The following COQ4 variants were observed in gnomAD, a reference collection of about 807,000 sequenced individuals.
The protein encoded by COQ4 is coenzyme Q4.
Under a neutral mutation model 30.2 loss-of-function variants are expected in COQ4, and 36 were observed. The ratio of observed to expected loss-of-function variants is 1.19; its 90% CI spans 0.91 to 1.57. The LOEUF (loss-of-function observed/expected upper bound fraction) is 1.57. COQ4 is among the 40% of genes most tolerant of loss of function. The probability of loss-of-function intolerance (pLI) is 0.00; values close to 1 mark genes in which losing one functional copy is unlikely to be tolerated. For synonymous variants in COQ4, 197 were observed against 161.0 expected (o/e 1.22, Z -1.69); for missense variants, 369 against 371.9 (o/e 0.99, Z 0.07).
chr9:128,326,891 G>A (rs1300986360), intron 4 of COQ4, among the ~76,000 whole-genome samples: 1 of 152,110 alleles, frequency 6.6e-6, no homozygotes, highest in African/African-American at 2.4e-5. Context: ...TGGGACTACA[G>A]GTGCACACCA....
At chr9:128,329,243 G>A (rs1211994313) in intron 4 of COQ4, among the ~76,000 whole-genome samples, 1 of 152,080 alleles carries the variant, frequency 6.6e-6, no homozygotes, top group Non-Finnish European at 1.5e-5. Context: ...GGCACTTATC[G>A]GCCTTGGTAA....
chr9:128,331,457 G>A (rs1752524671), intron 4 of COQ4: 2 of 152,416 alleles, frequency 1.3e-5, no homozygotes, highest in South Asian at 4.1e-4. Context: ...ACTTAACCCA[G>A]GTCATGAAGG....
intron 4 of COQ4, 85 bp from the exon 5 acceptor site, chr9:128,332,068 A>G: frequency 6.9e-7 from 1 of 1,454,656 alleles, no homozygotes; most frequent in Non-Finnish European, 9.3e-7. Context: ...GTTAGGTGAG[A>G]GTTGTGACGG....
chr9:128,323,764 G>A (rs1417154003), intron 2 of COQ4, among the ~76,000 whole-genome samples: 2 of 152,174 alleles, frequency 1.3e-5, no homozygotes, highest in East Asian at 1.9e-4. Context: ...ACCAGCCTGG[G>A]CAACACGGTG....
intron 3 of COQ4, 143 bp from the exon 4 acceptor site, chr9:128,325,636 C>A: frequency 3.0e-6 from 2 of 655,972 alleles, no homozygotes; most frequent in Non-Finnish European, 2.7e-6. Context: ...CTGACACTAG[C>A]CTGGCCAGTT....
In COQ4 at chr9:128,333,854, AGC is replaced by A; in HGVS notation, c.*210_*211del. On this transcript the variant is annotated 3_prime_UTR_variant, in exon 7 of 7. Transcript: ENST00000300452. ...CAGTGGCATTCCCAGGGGGACCAGCAGCTACCCAAGGAGAACCATGCATGAAC... is the reference window on the plus strand; with the variant it reads ...CAGTGGCATTCCCAGGGGGACCAGCATACCCAAGGAGAACCATGCATGAAC... 2.3e-6 allele frequency: 1 copy of A among 431,268 alleles called. No homozygotes were observed. The highest frequency in any genetic ancestry group is 5.4e-5 in the South Asian group (1 of 18,664). The allele number at this position is 431,268 out of a possible 1,614,324, so 26.7% of individuals were successfully genotyped here. A position where few individuals can be genotyped will look rare whatever the true frequency, so the allele number is the denominator to read the frequency against.
intron 3 of COQ4, among the ~76,000 whole-genome samples, 190 bp downstream of exon 3, chr9:128,325,429 G>A (rs1832301258): frequency 1.3e-5 from 2 of 152,204 alleles, no homozygotes; most frequent in Non-Finnish European, 2.9e-5. Flanking sequence ...GATGACTTCC[G>A]AGTTGTGCAG....
Position 128,323,135 on chromosome 9 carries a change from C to T in COQ4, c.190C>T (p.Pro64Ser), listed in dbSNP as rs766317663. 20 of 1,603,082 alleles carry T rather than the reference C, an allele frequency of 1.2e-5. No homozygotes were observed. The highest frequency in any genetic ancestry group is 1.7e-5 in the Non-Finnish European group (20 of 1,176,764). Residue 64 changes from proline (P) to serine (S), a missense_variant, in exon 2 of 7, where the codon CCC (proline) becomes TCC (serine). Transcript: ENST00000300452. Reference sequence around the variant, plus strand: ...CTCCGCGGCGATGGCGCTCTATAACCCCTACCGCCACGGTAAGGCCGCCCG... The same window carrying T: ...CTCCGCGGCGATGGCGCTCTATAACTCCTACCGCCACGGTAAGGCCGCCCG... ...AGSAAMALYN[P>S]YRHDMVAVLG...
chr9:128,327,764 T>C (rs1391477170), intron 4 of COQ4, among the ~76,000 whole-genome samples: 1 of 152,074 alleles, frequency 6.6e-6, no homozygotes, highest in Non-Finnish European at 1.5e-5. Flanking sequence ...ATCACACCAC[T>C]ACACTCCAGC....
At chr9:128,329,236 A>G (rs904596337) in intron 4 of COQ4, among the ~76,000 whole-genome samples, 1 of 152,174 alleles carries the variant, frequency 6.6e-6, no homozygotes, top group African/African-American at 2.4e-5. Flanking sequence ...CTTCCAGGGC[A>G]CTTATCGGCC....
chr9:128,324,341 TC>T (rs1402753110), intron 2 of COQ4, among the ~76,000 whole-genome samples: 2 of 151,862 alleles, frequency 1.3e-5, no homozygotes, highest in Non-Finnish European at 2.9e-5. Flanking sequence ...CCCAGGCTGC[TC>T]TGGAACTCTT....
Position 128,323,153 on chromosome 9 carries a change from G to T in COQ4, c.202+6G>T. 1 of 1,581,200 alleles carries T rather than the reference G, an allele frequency of 6.3e-7. No individual in the cohort carries two copies. ...CTATAACCCCTACCGCCACGGTAAG[G>T]CCGCCCGCGCCTCGCCCCCGTGGGG... On this transcript the variant is annotated splice_donor_region_variant and intron_variant, in intron 2 of 6. Transcript: ENST00000300452.
chr9:128,332,157 T>A lies in COQ4; in HGVS notation c.407T>A (p.Val136Asp). 1.3e-6 allele frequency: 2 copies of A among 1,564,790 alleles called. No individual in the cohort carries two copies. The highest frequency in any genetic ancestry group is 1.7e-6 in the Non-Finnish European group (2 of 1,154,434). The change falls in exon 5 of 7, where the codon GTC becomes GAC. Residue 136 changes from valine to aspartate, a missense_variant. Val to Asp is a radical substitution (Grantham distance 152). Transcript: ENST00000300452. ...EYLRFLDVNR[V>D]SPDTRAPTRF... ...GGGGAGGCTCATGGTTGTCAGAGGG[T>A]CTCCCCAGACACCCGAGCACCCACC...
chr9:128,323,319 C>T lies in COQ4; in HGVS notation c.202+172C>T, dbSNP rs1382160840. 5 of 673,182 alleles carry T rather than the reference C, an allele frequency of 7.4e-6. No homozygotes were observed. In the Admixed American group the frequency reaches 1.7e-4, roughly 23 times the overall value. The allele number at this position is 673,182 out of a possible 1,614,324, so 41.7% of individuals were successfully genotyped here. ...CCACCTAAACGCACTGAATCTGAAT[C>T]TGAATCTGCAGTGGAGGGAGAAATG... On this transcript the variant is annotated intron_variant, in intron 2 of 6. Transcript: ENST00000300452.
rs767202643 is a variant in COQ4 at position 128,323,180 on chromosome 9, C to T, written c.202+33C>T. 35 of 1,545,234 alleles carry T rather than the reference C, an allele frequency of 2.3e-5. No individual in the cohort carries two copies. The Admixed American group carries it at 7.1e-4, about 31-fold the overall frequency. ...CGCCCGCGCCTCGCCCCCGTGGGGG[C>T]GGCTTGGAGCCGTTTCCTGTGGGTA... On this transcript the variant is annotated intron_variant, in intron 2 of 6. Transcript: ENST00000300452.
chr9:128,333,434 C>A, intron 6 of COQ4, 40 bp from the exon 7 acceptor site: 1 of 1,474,430 alleles, frequency 6.8e-7, no homozygotes, highest in South Asian at 1.5e-5. Flanking sequence ...TGCCTGGCCC[C>A]AGGGACTTGA....
intron 5 of COQ4, 149 bp from the exon 6 acceptor site, chr9:128,332,701 T>A: frequency 1.4e-6 from 1 of 690,464 alleles, no homozygotes. Flanking sequence ...CCAAGCCAAG[T>A]GCCCCAGGGC....
rs201599052 is a variant in COQ4 at position 128,324,386 on chromosome 9, G to T, written c.203-757G>T. On this transcript the variant is annotated intron_variant, in intron 2 of 6. Transcript: ENST00000300452. Reference sequence around the variant, plus strand: ...GTGATCCTCCTGCCTCAGCCCCCCAGTGTTGAGATTACAGGTGTCAGCCGC... The same window carrying T: ...GTGATCCTCCTGCCTCAGCCCCCCATTGTTGAGATTACAGGTGTCAGCCGC... 3.9e-5 allele frequency among the ~76,000 whole-genome samples: 6 copies of T among 152,030 alleles called. No homozygotes were observed. In the East Asian group the frequency reaches 7.8e-4, roughly 20 times the overall value.
intron 2 of COQ4, among the ~76,000 whole-genome samples, chr9:128,323,821 T>G (rs531814853): frequency 6.6e-6 from 1 of 152,312 alleles, no homozygotes; most frequent in East Asian, 1.9e-4. Context: ...TTGGGGCTGG[T>G]TGCATGCGGC....
Sources: allele counts gnomAD v4.1 joint callset (sites outside exome capture counted in the v4.1 genomes callset), GRCh38; gene constraint gnomAD v4.1.1; transcripts MANE v1.5; gene names NCBI Gene and HGNC (gene_info 2026-07-23, HGNC 2026-07-21).